The following PLEKHA5 variants were observed in gnomAD, a reference collection of about 807,000 sequenced individuals.
The protein encoded by PLEKHA5 is pleckstrin homology domain-containing family A member 5.
PLEKHA5 carries 55 observed loss-of-function variants against 181.9 expected under a neutral mutation model. The ratio of observed to expected loss-of-function variants is 0.30; its 90% CI spans 0.24 to 0.38. PLEKHA5 has a LOEUF of 0.38. Ranked by LOEUF, PLEKHA5 falls within the 10% of genes least tolerant of loss-of-function variation. The pLI is 1.00. For missense variants in PLEKHA5, 1,432 were observed against 1,549.5 expected (o/e 0.92, Z 1.27); for synonymous variants, 535 against 529.4 (o/e 1.01, Z -0.15).
chr12:19,200,940 T>C (rs2054044141), intron 3 of PLEKHA5: 2 of 152,272 alleles, frequency 1.3e-5, no homozygotes, highest in Non-Finnish European at 2.9e-5. Flanking sequence ...TGACATTGGG[T>C]CTGGCAAAGA....
chr12:19,163,137 C>T (rs34912687), intron 3 of PLEKHA5, among the ~76,000 whole-genome samples: 13,604 of 151,624 alleles, frequency 0.09, 754 homozygotes, highest in Admixed American at 0.18. Flanking sequence ...GTAGCCAGTC[C>T]AACATCATGG....
chr12:19,270,141 G>T, intron 9 of PLEKHA5, 47 bp from the exon 10 acceptor site: 1 of 1,240,186 alleles, frequency 8.1e-7, no homozygotes, highest in South Asian at 1.5e-5. Context: ...GTACTGGGGT[G>T]AATCCAGAAT....
intron 15 of PLEKHA5, chr12:19,307,257 G>A (rs2084257029): frequency 1.1e-4 from 53 of 475,594 alleles, no homozygotes; most frequent in South Asian, 1.1e-3. Context: ...TGGATCACTT[G>A]AGGTCAGGAG....
chr12:19,298,408 CTTTTTTTT>C (rs533661916), intron 15 of PLEKHA5, among the ~76,000 whole-genome samples: 1 of 106,334 alleles, frequency 9.4e-6, no homozygotes, highest in Non-Finnish European at 1.9e-5. Context: ...ATTTTTTTAG[CTTTTTTTT>C]TTTTTTTTTT....
intron 3 of PLEKHA5, among the ~76,000 whole-genome samples, chr12:19,219,226 A>G (rs1327613907): frequency 6.6e-6 from 1 of 152,114 alleles, no homozygotes; most frequent in Non-Finnish European, 1.5e-5. Context: ...CACGGGGGTG[A>G]TGATTTGGAT....
chr12:19,148,263 G>A (rs2039464489), intron 3 of PLEKHA5, among the ~76,000 whole-genome samples: 2 of 151,872 alleles, frequency 1.3e-5, no homozygotes, highest in Admixed American at 1.3e-4. Flanking sequence ...CACTATGTTG[G>A]CCAGGCTGGT....
intron 11 of PLEKHA5, among the ~76,000 whole-genome samples, chr12:19,279,181 CATT>C (rs2075395206): frequency 6.6e-6 from 1 of 152,034 alleles, no homozygotes; most frequent in Non-Finnish European, 1.5e-5. Context: ...TTAACTAAGT[CATT>C]GTGATAGATG....
intron 3 of PLEKHA5, among the ~76,000 whole-genome samples, chr12:19,222,832 C>T (rs991988707): frequency 2.0e-5 from 3 of 152,156 alleles, no homozygotes; most frequent in African/African-American, 7.2e-5. Flanking sequence ...CTGCCAAAGA[C>T]ATTCACTCGA....
chr12:19,231,607 T>TGTATATATATTTATATATGTAC (rs149329952), intron 3 of PLEKHA5, among the ~76,000 whole-genome samples: 1 of 148,006 alleles, frequency 6.8e-6, no homozygotes, highest in Non-Finnish European at 1.5e-5. Flanking sequence ...CACATATATA[T>TGTATATATATTTATATATGTAC]ATATAAATAC....
chr12:19,188,156 A>G lies in PLEKHA5; in HGVS notation c.227+55706A>G, dbSNP rs2050272972. Among the ~76,000 whole-genome samples, 5 of 152,328 alleles carry G rather than the reference A, an allele frequency of 3.3e-5. No homozygotes were observed. The South Asian group carries it at 1.0e-3, about 32-fold the overall frequency. ...GCCACTTCACACATATGCAGGTTTGAACATTACTAGGTTGTCAAGAGCAGG... is the reference window on the plus strand; with the variant it reads ...GCCACTTCACACATATGCAGGTTTGGACATTACTAGGTTGTCAAGAGCAGG... On this transcript the variant is annotated intron_variant, in intron 3 of 31. Coordinates refer to ENST00000429027, the MANE Select transcript of PLEKHA5 (RefSeq NM_001256470.2).
chr12:19,331,004 TAG>T (rs1243462165), intron 20 of PLEKHA5, among the ~76,000 whole-genome samples: 1 of 152,216 alleles, frequency 6.6e-6, no homozygotes. Context: ...TCCAAAGTTG[TAG>T]GTTTTATTTT....
intron 15 of PLEKHA5, among the ~76,000 whole-genome samples, chr12:19,293,209 T>C (rs2152858507): frequency 6.6e-6 from 1 of 152,330 alleles, no homozygotes; most frequent in East Asian, 1.9e-4. Flanking sequence ...AACAGTAATG[T>C]GCTACTTTAA....
intron 9 of PLEKHA5, 130 bp from the exon 10 acceptor site, chr12:19,270,058 T>A: frequency 1.6e-6 from 1 of 625,700 alleles, no homozygotes; most frequent in South Asian, 2.3e-5. Flanking sequence ...CACATTTTGT[T>A]AGTTTGCGAT....
chr12:19,335,582 A>ATTTTTTTTTTT (rs34158055), intron 20 of PLEKHA5, among the ~76,000 whole-genome samples: 32 of 107,990 alleles, frequency 3.0e-4, no homozygotes, highest in East Asian at 5.3e-4. Context: ...CGCCTGGCTA[A>ATTTTTTTTTTT]TTTTTTTTTT....
intron 3 of PLEKHA5, among the ~76,000 whole-genome samples, chr12:19,241,641 A>T (rs948615366): frequency 2.0e-5 from 3 of 151,988 alleles, no homozygotes; most frequent in Admixed American, 6.6e-5. Context: ...CTGTAATCCC[A>T]TCTACTTGGG....
intron 18 of PLEKHA5, 98 bp from the exon 19 acceptor site, chr12:19,322,212 T>G: frequency 1.4e-6 from 1 of 722,564 alleles, no homozygotes; most frequent in Non-Finnish European, 2.4e-6. Flanking sequence ...TAACTTTTAT[T>G]GATTGAAATA....
rs867779111 is a variant in PLEKHA5 at position 19,304,212 on chromosome 12, C to T, written c.2038-10602C>T. ...CTGAGGTCAGGCGTTCAAGACCAGC[C>T]TGGCCAACATGGTGAAACCCGGTCT... On this transcript the variant is annotated intron_variant, in intron 15 of 31. Coordinates refer to ENST00000429027, the MANE Select transcript of PLEKHA5 (RefSeq NM_001256470.2). 8.7e-4 allele frequency among the ~76,000 whole-genome samples: 132 copies of T among 152,226 alleles called. 1 individual carries two copies. The highest frequency in any genetic ancestry group is 6.8e-3 in the Middle Eastern group (2 of 294).
rs113525112 is a variant in PLEKHA5, at chr12:19,229,460, G to A, written c.228-24480G>A. Among the ~76,000 whole-genome samples, 444 of 152,168 alleles carry A rather than the reference G, an allele frequency of 2.9e-3. 2 individuals are homozygous for A. The highest frequency in any genetic ancestry group is 0.01 in the African/African-American group (427 of 41,518). On this transcript the variant is annotated intron_variant, in intron 3 of 31. Transcript: ENST00000429027. ...TTCAGGAGTGAAGCTGCAGACCTTC[G>A]CGGTGAGTGTTACAGCTCTTAAGGT...
intron 3 of PLEKHA5, 55 bp downstream of exon 3, chr12:19,132,505 C>A (rs761430299): frequency 1.1e-4 from 93 of 862,598 alleles, no homozygotes; most frequent in Non-Finnish European, 1.6e-4. Flanking sequence ...TGTGATTACT[C>A]CTCAGCTGAA....
Sources: allele counts gnomAD v4.1 joint callset (sites outside exome capture counted in the v4.1 genomes callset), GRCh38; gene constraint gnomAD v4.1.1; transcripts MANE v1.5; gene names NCBI Gene and HGNC (gene_info 2026-07-23, HGNC 2026-07-21).